The following AP3B1 variants were observed in gnomAD, a reference collection of about 807,000 sequenced individuals.
AP3B1 encodes AP-3 complex subunit beta-1.
In AP3B1, 61 loss-of-function variants were observed where a neutral mutation model predicts 132.5. The observed-to-expected ratio is 0.46, with a 90% confidence interval of 0.37 to 0.57. AP3B1 has a LOEUF of 0.57. Ranked by LOEUF, AP3B1 falls within the 20% of genes least tolerant of loss-of-function variation. AP3B1 has a pLI of 0.00. For missense variants in AP3B1, 1,120 were observed against 1,289.4 expected, an observed-to-expected ratio of 0.87 and a Z score of 2.01; for synonymous variants, 388 against 438.3, an observed-to-expected ratio of 0.89 and a Z score of 1.43.
At chr5:78,074,348 TG>T (rs1347536518) in intron 22 of AP3B1, among the ~76,000 whole-genome samples, 1 of 152,020 alleles carries the variant, frequency 6.6e-6, no homozygotes, top group Non-Finnish European at 1.5e-5. Context: ...AAGAATAAGA[TG>T]GGGCATGGCT....
chr5:78,040,775 A>G (rs1489316947), intron 22 of AP3B1, among the ~76,000 whole-genome samples: 2 of 152,170 alleles, frequency 1.3e-5, no homozygotes, highest in Non-Finnish European at 2.9e-5. Context: ...CTGAGAGTAT[A>G]TATCAACCTA....
chr5:78,019,313 G>A (rs1214598020), intron 25 of AP3B1, among the ~76,000 whole-genome samples: 1 of 152,044 alleles, frequency 6.6e-6, no homozygotes, highest in African/African-American at 2.4e-5. Context: ...AAATTTGATC[G>A]AAATATTAAG....
intron 21 of AP3B1, among the ~76,000 whole-genome samples, chr5:78,097,462 G>A (rs1750901946): frequency 7.5e-6 from 1 of 132,908 alleles, no homozygotes; most frequent in African/African-American, 2.9e-5. Flanking sequence ...CTACTGGGAA[G>A]TGAGGAGCCC....
chr5:78,207,465 T>A (rs1177501471), intron 7 of AP3B1, among the ~76,000 whole-genome samples: 2 of 151,718 alleles, frequency 1.3e-5, no homozygotes, highest in African/African-American at 4.8e-5. Context: ...AGAAATTTTC[T>A]AAAAATATGA....
rs556830395 is a variant in AP3B1, at chr5:78,221,951, A to G, written c.603+3591T>C. ...CAGCATCTTTCTTAATGCAAACACAATGTAAGCATTTCCTTTAGACTGAAA... is the reference window on the plus strand; with the variant it reads ...CAGCATCTTTCTTAATGCAAACACAGTGTAAGCATTTCCTTTAGACTGAAA... On this transcript the variant is annotated intron_variant, in intron 6 of 26. Transcript: ENST00000255194. Among the ~76,000 whole-genome samples, 10 of 152,282 alleles carry G rather than the reference A, an allele frequency of 6.6e-5. No individual in the cohort carries two copies. The South Asian group carries it at 1.0e-3, about 16-fold the overall frequency.
rs139427666 is a variant in AP3B1, at chr5:78,071,500, C to T, written c.2577+17893G>A. On this transcript the variant is annotated intron_variant, in intron 22 of 26. Coordinates refer to ENST00000255194, the MANE Select transcript of AP3B1 (RefSeq NM_003664.5). ...ATGGGTTGATACTGCAGCAAACCACCACAGCACATGTTTACCTATGTAACA... is the reference window on the plus strand; with the variant it reads ...ATGGGTTGATACTGCAGCAAACCACTACAGCACATGTTTACCTATGTAACA... Among the ~76,000 whole-genome samples the T allele has an allele frequency of 3.0e-3, 463 of 152,278 alleles. 1 individual carries two copies. Among genetic ancestry groups the T allele is most frequent in the Middle Eastern group, 6.8e-3 (2 of 294 alleles).
intron 1 of AP3B1, among the ~76,000 whole-genome samples, chr5:78,292,199 C>T (rs10070577): frequency 0.22 from 32,859 of 151,866 alleles, 4,410 homozygotes; most frequent in Middle Eastern, 0.31. Flanking sequence ...CTTTGTCATT[C>T]GATTTTTTAA....
chr5:78,256,994 A>G (rs1747874751), intron 2 of AP3B1, among the ~76,000 whole-genome samples: 1 of 152,136 alleles, frequency 6.6e-6, no homozygotes, highest in Admixed American at 6.6e-5. Context: ...AACCCTCAAA[A>G]AACTGGGAAT....
At chr5:78,193,744 T>G (rs12697877) in intron 7 of AP3B1, among the ~76,000 whole-genome samples, 3,297 of 110,328 alleles carry the variant, frequency 0.03, 180 homozygotes, top group African/African-American at 0.1. Context: ...ATATATTTTT[T>G]TATATATATA....
chr5:78,069,203 C>T (rs1004200003), intron 22 of AP3B1, among the ~76,000 whole-genome samples: 2 of 152,206 alleles, frequency 1.3e-5, no homozygotes, highest in Non-Finnish European at 2.9e-5. Context: ...CAGCACAAGA[C>T]AAGGATGCTC....
In AP3B1 at chr5:78,228,076, C is replaced by G. The variant is rs914173362; in HGVS notation, c.375+68G>C. On this transcript the variant is annotated intron_variant, in intron 4 of 26. Coordinates refer to ENST00000255194, the MANE Select transcript of AP3B1 (RefSeq NM_003664.5). ...TATTTAGTGGATTATCGCTCCACTT[C>G]TTTAACTGACACACTTTCAACTCTG... 5.3e-6 allele frequency: 6 copies of G among 1,122,850 alleles called. No individual in the cohort carries two copies. In the African/African-American group the frequency reaches 9.5e-5, roughly 18 times the overall value. The allele number at this position is 1,122,850 out of a possible 1,614,324, so 69.6% of individuals were successfully genotyped here. A position where few individuals can be genotyped will look rare whatever the true frequency, so the allele number is the denominator to read the frequency against.
intron 25 of AP3B1, among the ~76,000 whole-genome samples, chr5:78,019,899 C>T (rs971044870): frequency 6.6e-6 from 1 of 151,946 alleles, no homozygotes; most frequent in Non-Finnish European, 1.5e-5. Flanking sequence ...ACACCCTCCA[C>T]AGGAAAAAAT....
intron 3 of AP3B1, 30 bp from the exon 4 acceptor site, chr5:78,228,269 C>A: frequency 6.6e-7 from 1 of 1,524,098 alleles, no homozygotes; most frequent in Non-Finnish European, 9.0e-7. Flanking sequence ...TATTCATAAC[C>A]AGAGTGAAAA....
At chr5:78,248,174 T>A (rs1339707768) in intron 2 of AP3B1, among the ~76,000 whole-genome samples, 1 of 152,062 alleles carries the variant, frequency 6.6e-6, no homozygotes, top group Non-Finnish European at 1.5e-5. Flanking sequence ...CTACTTACAG[T>A]TAACACTGTA....
intron 22 of AP3B1, among the ~76,000 whole-genome samples, chr5:78,080,641 T>C (rs1749957469): frequency 7.7e-6 from 1 of 129,750 alleles, no homozygotes; most frequent in African/African-American, 2.9e-5. Flanking sequence ...TTTTTTTTTT[T>C]TTTTTTTGCA....
At chr5:78,038,079 G>C (rs1747877757) in intron 23 of AP3B1, among the ~76,000 whole-genome samples, 1 of 152,182 alleles carries the variant, frequency 6.6e-6, no homozygotes, top group African/African-American at 2.4e-5. Flanking sequence ...AAGCAACCTG[G>C]AAAGTGCGAG....
chr5:78,193,901 C>A (rs1022876908), intron 7 of AP3B1, among the ~76,000 whole-genome samples: 1 of 150,950 alleles, frequency 6.6e-6, no homozygotes, highest in African/African-American at 2.4e-5. Flanking sequence ...ACTACAGGCA[C>A]CTGCCACCAC....
intron 17 of AP3B1, among the ~76,000 whole-genome samples, chr5:78,119,167 A>G (rs1195819593): frequency 6.6e-6 from 1 of 152,210 alleles, no homozygotes; most frequent in African/African-American, 2.4e-5. Context: ...CAGAAAGGAC[A>G]TCCACACCAA....
intron 1 of AP3B1, among the ~76,000 whole-genome samples, chr5:78,285,664 C>T (rs945151850): frequency 9.4e-6 from 1 of 106,030 alleles, no homozygotes; most frequent in Non-Finnish European, 2.1e-5. Flanking sequence ...CCCTTTCCCC[C>T]TTTAAAAAAA....
Sources: allele counts gnomAD v4.1 joint callset (sites outside exome capture counted in the v4.1 genomes callset), GRCh38; gene constraint gnomAD v4.1.1; transcripts MANE v1.5; gene names NCBI Gene and HGNC (gene_info 2026-07-23, HGNC 2026-07-21).